PITPNA: variants seen among roughly 807,000 people sequenced by gnomAD.
PITPNA encodes the protein phosphatidylinositol transfer protein alpha isoform.
PITPNA carries 13 observed loss-of-function variants against 50.3 expected under a neutral mutation model. That is an observed-to-expected ratio of 0.26 (90% CI 0.17 to 0.41). The LOEUF is 0.41. PITPNA is among the 10% of genes least tolerant of loss of function. PITPNA has a pLI of 1.00. For missense variants in PITPNA, 207 were observed against 333.4 expected (o/e 0.62, Z 2.95); for synonymous variants, 120 against 119.6 (o/e 1.00, Z -0.02).
intron 10 of PITPNA, among the ~76,000 whole-genome samples, chr17:1,531,158 A>G (rs1022626788): frequency 6.6e-6 from 1 of 152,146 alleles, no homozygotes; most frequent in Non-Finnish European, 1.5e-5. Flanking sequence ...CGACGGAATT[A>G]AAGTTAAAGC....
rs749980741 is a variant in PITPNA, at chr17:1,521,568, T to G, written c.*22+11A>C. The G allele has an allele frequency of 3.1e-6, 5 of 1,590,802 alleles. No individual in the cohort carries two copies. In the South Asian group the frequency reaches 5.5e-5, roughly 18 times the overall value. On this transcript the variant is annotated intron_variant, in intron 11 of 11. Coordinates refer to ENST00000313486, the MANE Select transcript of PITPNA (RefSeq NM_006224.4). The stretch of plus-strand genomic sequence containing the variant: ...GTCTGTGACACGCACAGTGAGAAAT[T>G]TGGTACGTACAGTGCAGAGGGGAAA...
chr17:1,547,871 G>A (rs1464223030), intron 4 of PITPNA, among the ~76,000 whole-genome samples: 2 of 151,910 alleles, frequency 1.3e-5, no homozygotes, highest in East Asian at 3.9e-4. Context: ...GTATGCGCCT[G>A]TAGTCCCAGC....
intron 10 of PITPNA, among the ~76,000 whole-genome samples, chr17:1,529,297 T>C (rs2075567518): frequency 6.6e-6 from 1 of 151,622 alleles, no homozygotes; most frequent in African/African-American, 2.4e-5. Flanking sequence ...CCGAGGCAGG[T>C]GCATTGCCTG....
chr17:1,519,481 A>G lies in PITPNA; in HGVS notation c.*1080T>C, dbSNP rs902304763. ...GGGCAGAACTCAACATGGGGGTAGG[A>G]CGAGCTAAGTTCTTGATCCCCAAAT... On this transcript the variant is annotated 3_prime_UTR_variant, in exon 12 of 12. Coordinates refer to ENST00000313486, the MANE Select transcript of PITPNA (RefSeq NM_006224.4). 6.6e-6 allele frequency: 1 copy of G among 152,664 alleles called. No homozygotes were observed. The highest frequency in any genetic ancestry group is 1.5e-5 in the Non-Finnish European group (1 of 68,076). 9.5% of individuals were successfully genotyped at this position (152,664 alleles called of 1,614,324 possible).
chr17:1,553,296 A>C, intron 2 of PITPNA, 147 bp from the exon 3 acceptor site: 1 of 778,190 alleles, frequency 1.3e-6, no homozygotes, highest in Non-Finnish European at 2.1e-6. Flanking sequence ...GGCCTTGCCC[A>C]AACCCACCCA....
Position 1,535,163 on chromosome 17 carries a change from C to G in PITPNA, c.645+19G>C. ...CACACACACGCAGTCACTGGGAAGG[C>G]CTCAGCCGAGCTACTTACCTTATGG... On this transcript the variant is annotated intron_variant, in intron 9 of 11. Coordinates refer to ENST00000313486, the MANE Select transcript of PITPNA (RefSeq NM_006224.4). The G allele has an allele frequency of 6.7e-7, 1 of 1,484,010 alleles. No homozygotes were observed. Among genetic ancestry groups the G allele is most frequent in the Non-Finnish European group, 9.4e-7 (1 of 1,061,886 alleles). The allele number at this position is 1,484,010 out of a possible 1,614,324, so 91.9% of individuals were successfully genotyped here. A position where few individuals can be genotyped will look rare whatever the true frequency, so the allele number is the denominator to read the frequency against.
At chr17:1,534,325 G>A (rs539729488) in intron 9 of PITPNA, 104 bp from the exon 10 acceptor site, 23 of 1,419,298 alleles carry the variant, frequency 1.6e-5, no homozygotes, top group South Asian at 7.1e-5. Flanking sequence ...GACTGGGGAC[G>A]GGCGGACAGG....
chr17:1,532,831 G>A (rs2075592737), intron 10 of PITPNA, among the ~76,000 whole-genome samples: 1 of 152,190 alleles, frequency 6.6e-6, no homozygotes, highest in Non-Finnish European at 1.5e-5. Flanking sequence ...CCTGCTAAAT[G>A]TAGCTAAATG....
At chr17:1,552,950 T>A in intron 3 of PITPNA, 54 bp downstream of exon 3, 1 of 1,575,150 alleles carries the variant, frequency 6.3e-7, no homozygotes. Flanking sequence ...GAAATAACAC[T>A]CATTCACACA....
intron 10 of PITPNA, among the ~76,000 whole-genome samples, chr17:1,527,935 A>G (rs1028642774): frequency 2.6e-5 from 4 of 152,372 alleles, no homozygotes; most frequent in Admixed American, 6.5e-5. Context: ...CAATCCCAAC[A>G]CTTCGGGAGG....
At chr17:1,551,050 G>C (rs1340191354) in intron 3 of PITPNA, among the ~76,000 whole-genome samples, 4 of 149,058 alleles carry the variant, frequency 2.7e-5, no homozygotes, top group Non-Finnish European at 4.5e-5. Flanking sequence ...CGAAGGGCGA[G>C]TGAGAGTATT....
intron 2 of PITPNA, among the ~76,000 whole-genome samples, chr17:1,557,833 G>A (rs1438209579): frequency 6.6e-6 from 1 of 152,202 alleles, no homozygotes; most frequent in African/African-American, 2.4e-5. Context: ...AGAGCCTCAA[G>A]AGATTTCCTG....
At chr17:1,535,415 C>T (rs1555531132) in intron 8 of PITPNA, 26 bp downstream of exon 8, 4 of 1,589,486 alleles carry the variant, frequency 2.5e-6, no homozygotes, top group Non-Finnish European at 3.5e-6. Context: ...TGCCCAGCCC[C>T]CTGGCAGTGA....
At chr17:1,527,341 T>C (rs2075553661) in intron 10 of PITPNA, among the ~76,000 whole-genome samples, 1 of 152,188 alleles carries the variant, frequency 6.6e-6, no homozygotes, top group South Asian at 2.1e-4. Flanking sequence ...CCTCCTGGGT[T>C]CAAGTGATTC....
intron 5 of PITPNA, among the ~76,000 whole-genome samples, chr17:1,542,068 C>T (rs1365094550): frequency 2.0e-5 from 3 of 151,958 alleles, no homozygotes; most frequent in African/African-American, 7.2e-5. Flanking sequence ...GGCATGGTGG[C>T]GGGTGCCTGT....
At chr17:1,554,431 A>G (rs1303023268) in intron 2 of PITPNA, among the ~76,000 whole-genome samples, 1 of 127,204 alleles carries the variant, frequency 7.9e-6, no homozygotes, top group Non-Finnish European at 1.6e-5. Flanking sequence ...CAGAGATCGC[A>G]CAGTGGTGCG....
intron 11 of PITPNA, among the ~76,000 whole-genome samples, chr17:1,520,854 T>C (rs1274470871): frequency 6.6e-6 from 1 of 152,166 alleles, no homozygotes; most frequent in Admixed American, 6.5e-5. Flanking sequence ...TTTGTAAAAA[T>C]AATTTTCTCT....
At chr17:1,535,619 G>A (rs751497440) in intron 7 of PITPNA, 101 bp from the exon 8 acceptor site, 46 of 765,278 alleles carry the variant, frequency 6.0e-5, no homozygotes, top group Middle Eastern at 2.3e-4. Context: ...ACCAGATCTT[G>A]ATGCTGATGG....
At chr17:1,545,266 A>C (rs1598410207) in intron 4 of PITPNA, among the ~76,000 whole-genome samples, 1 of 152,360 alleles carries the variant, frequency 6.6e-6, no homozygotes, top group South Asian at 2.1e-4. Flanking sequence ...CACTCCGCTC[A>C]GAGAAAGGAA....
Sources: allele counts gnomAD v4.1 joint callset (sites outside exome capture counted in the v4.1 genomes callset), GRCh38; gene constraint gnomAD v4.1.1; transcripts MANE v1.5; gene names NCBI Gene and HGNC (gene_info 2026-07-23, HGNC 2026-07-21).